Variants in FSTL4 observed in about 807,000 individuals in gnomAD.
FSTL4 encodes the protein follistatin like 4, also known as follistatin-related protein 4.
In FSTL4, 28 loss-of-function variants were observed where a neutral mutation model predicts 78.2. The observed-to-expected ratio is 0.36, with a 90% CI of 0.27 to 0.49. FSTL4 has a LOEUF of 0.49. Among genes scored for constraint, FSTL4 ranks in the 20% least tolerant of loss-of-function variants. FSTL4 has a pLI of 0.98. For missense variants in FSTL4, 922 were observed against 1,084.9 expected, an observed-to-expected ratio of 0.85 and a Z score of 2.11; for synonymous variants, 422 against 440.5, an observed-to-expected ratio of 0.96 and a Z score of 0.53.
the FSTL4 span, among the ~76,000 whole-genome samples, chr5:133,829,931 C>G: frequency 6.6e-6 from 1 of 152,052 alleles, no homozygotes. Flanking sequence ...TACCCTGGCT[C>G]AAGACTCCCA....
At chr5:133,780,139 C>T in the FSTL4 span, among the ~76,000 whole-genome samples, 3 of 152,164 alleles carry the variant, frequency 2.0e-5, no homozygotes, top group East Asian at 3.9e-4. Flanking sequence ...TTCCCAGCTA[C>T]CTCCTGCTAT....
the FSTL4 span, among the ~76,000 whole-genome samples, chr5:133,712,138 T>C: frequency 9.9e-5 from 15 of 152,212 alleles, no homozygotes; most frequent in Non-Finnish European, 1.5e-4. Flanking sequence ...TAAAGTCCAC[T>C]GAGGCCAACT....
chr5:133,641,675 G>A, the FSTL4 span, among the ~76,000 whole-genome samples: 2 of 152,018 alleles, frequency 1.3e-5, no homozygotes, highest in African/African-American at 4.8e-5. Context: ...AAAAAATAAA[G>A]GAAATTGTTT....
At chr5:133,750,470 C>A in the FSTL4 span, among the ~76,000 whole-genome samples, 3 of 152,124 alleles carry the variant, frequency 2.0e-5, no homozygotes, top group East Asian at 5.8e-4. Context: ...ACAGCCCAGG[C>A]CCCCCAGGGT....
the FSTL4 span, among the ~76,000 whole-genome samples, chr5:133,699,399 T>C: frequency 1.3e-5 from 2 of 152,050 alleles, no homozygotes; most frequent in African/African-American, 4.8e-5. Context: ...AAACTCCACC[T>C]GCTCAGAAAT....
chr5:133,801,267 T>C, the FSTL4 span, among the ~76,000 whole-genome samples: 2 of 152,120 alleles, frequency 1.3e-5, no homozygotes, highest in Non-Finnish European at 2.9e-5. Flanking sequence ...GACCAACTGC[T>C]TTTCAGGCAT....
intron 3 of FSTL4, among the ~76,000 whole-genome samples, chr5:133,415,382 T>C (rs533983836): frequency 6.6e-6 from 1 of 152,202 alleles, no homozygotes; most frequent in Non-Finnish European, 1.5e-5. Flanking sequence ...TTACTTATGG[T>C]GGCAAAATTA....
chr5:133,294,724 C>A (rs374674682), intron 6 of FSTL4, among the ~76,000 whole-genome samples: 6 of 152,196 alleles, frequency 3.9e-5, no homozygotes, highest in Non-Finnish European at 7.3e-5. Context: ...GATCACCTCC[C>A]ATCTCTTCTG....
chr5:133,681,944 C>G, the FSTL4 span, among the ~76,000 whole-genome samples: 1 of 152,188 alleles, frequency 6.6e-6, no homozygotes, highest in African/African-American at 2.4e-5. Context: ...AAATGAGCTC[C>G]TGGCATGGAG....
At chr5:133,595,392 G>A (rs1760717680) in intron 2 of FSTL4, among the ~76,000 whole-genome samples, 1 of 152,188 alleles carries the variant, frequency 6.6e-6, no homozygotes, top group African/African-American at 2.4e-5. Context: ...AACCCCATAC[G>A]ATGACAAAAG....
At chr5:133,329,774 C>T (rs928381933) in intron 4 of FSTL4, among the ~76,000 whole-genome samples, 26 of 152,296 alleles carry the variant, frequency 1.7e-4, no homozygotes, top group African/African-American at 5.8e-4. Flanking sequence ...ACTTTGTATC[C>T]CTCAATCCAA....
the FSTL4 span, among the ~76,000 whole-genome samples, chr5:133,680,487 C>T: frequency 6.6e-6 from 1 of 152,222 alleles, no homozygotes; most frequent in African/African-American, 2.4e-5. Context: ...AGCACTCCCT[C>T]TCCAGGGTTC....
chr5:133,678,559 G>C, the FSTL4 span, among the ~76,000 whole-genome samples: 18 of 141,408 alleles, frequency 1.3e-4, no homozygotes, highest in African/African-American at 4.6e-4. Flanking sequence ...GTCTGTGTTT[G>C]AGCGTGTGTG....
At chr5:133,628,361 C>CT in the FSTL4 span, among the ~76,000 whole-genome samples, 11,027 of 137,152 alleles carry the variant, frequency 0.08, 504 homozygotes, top group African/African-American at 0.15. Flanking sequence ...CTTTTCTTTT[C>CT]TTTTCTTTTT....
At chr5:133,599,765 G>A (rs996976624) in intron 2 of FSTL4, among the ~76,000 whole-genome samples, 2 of 151,528 alleles carry the variant, frequency 1.3e-5, no homozygotes, top group African/African-American at 4.9e-5. Context: ...TAGCACCCAG[G>A]CCCCAAAAAT....
At chr5:133,526,475 C>T (rs553912672) in intron 3 of FSTL4, among the ~76,000 whole-genome samples, 7 of 152,150 alleles carry the variant, frequency 4.6e-5, no homozygotes, top group Admixed American at 1.3e-4. Flanking sequence ...GGTTAGGGTG[C>T]GACTCCTATT....
upstream of FSTL4, among the ~76,000 whole-genome samples, chr5:133,614,314 A>C (rs994730876): frequency 2.0e-5 from 3 of 152,200 alleles, no homozygotes; most frequent in African/African-American, 7.2e-5. Context: ...CCAAGATCAG[A>C]AATAGCTCTG....
chr5:133,442,085 GC>G (rs2127003736), intron 3 of FSTL4, among the ~76,000 whole-genome samples: 1 of 152,318 alleles, frequency 6.6e-6, no homozygotes, highest in Non-Finnish European at 1.5e-5. Context: ...CAGAGGCAGG[GC>G]CACACAGCAT....
At chr5:133,413,557 G>A (rs1231343465) in intron 3 of FSTL4, among the ~76,000 whole-genome samples, 1 of 152,094 alleles carries the variant, frequency 6.6e-6, no homozygotes, top group Non-Finnish European at 1.5e-5. Context: ...CAGGTTTCCT[G>A]AAAGTGAGGA....
Sources: gnomAD v4.1 joint callset for allele counts (sites outside exome capture counted in the v4.1 genomes callset) on GRCh38, gnomAD v4.1.1 for gene constraint, MANE v1.5 for transcripts, NCBI Gene and HGNC (gene_info 2026-07-23, HGNC 2026-07-21) for gene names.